LINGO2: variants seen among roughly 807,000 people sequenced by gnomAD.
LINGO2 encodes leucine rich repeat and Ig domain containing 2, also known as leucine-rich repeat and immunoglobulin-like domain-containing nogo receptor-interacting protein 2.
A neutral mutation model predicts 30.6 loss-of-function variants in LINGO2; 14 were observed. The observed-to-expected ratio is 0.46, with a 90% CI of 0.30 to 0.72. The LOEUF (loss-of-function observed/expected upper bound fraction) is 0.72. LINGO2 is among the 30% of genes least tolerant of loss of function. LINGO2 has a pLI of 0.07. For missense variants in LINGO2, 729 were observed against 751.7 expected, an observed-to-expected ratio of 0.97 and a Z score of 0.35; for synonymous variants, 317 against 288.5, an observed-to-expected ratio of 1.10 and a Z score of -1.00.
chr9:29,064,233 C>A, the LINGO2 span, among the ~76,000 whole-genome samples: 2 of 151,778 alleles, frequency 1.3e-5, no homozygotes, highest in Non-Finnish European at 1.5e-5. Flanking sequence ...AAAATGATTA[C>A]AAAATCCTGA....
chr9:28,606,544 G>A (rs1825701778), intron 1 of LINGO2, among the ~76,000 whole-genome samples: 1 of 151,992 alleles, frequency 6.6e-6, no homozygotes, highest in Admixed American at 6.6e-5. Context: ...AATACAGACT[G>A]AGGGAAATTC....
the LINGO2 span, among the ~76,000 whole-genome samples, chr9:28,991,705 A>G: frequency 0.022 from 3,326 of 151,330 alleles, 121 homozygotes; most frequent in African/African-American, 0.077. Flanking sequence ...AGTGGGGGCC[A>G]GTATTCAACA....
At chr9:29,009,026 A>G in the LINGO2 span, among the ~76,000 whole-genome samples, 1 of 152,198 alleles carries the variant, frequency 6.6e-6, no homozygotes, top group Non-Finnish European at 1.5e-5. Flanking sequence ...TATTGATGGG[A>G]CATATCTCAA....
intron 4 of LINGO2, among the ~76,000 whole-genome samples, chr9:28,060,721 C>T (rs1825116559): frequency 6.6e-6 from 1 of 152,154 alleles, no homozygotes; most frequent in African/African-American, 2.4e-5. Flanking sequence ...TTAAACCTGA[C>T]ACCAGCATCT....
the LINGO2 span, among the ~76,000 whole-genome samples, chr9:28,708,351 C>A: frequency 6.6e-6 from 1 of 152,108 alleles, no homozygotes; most frequent in Non-Finnish European, 1.5e-5. Flanking sequence ...CCAAGGAGAG[C>A]TCCTTTGTTC....
At chr9:28,546,159 G>C (rs1277349486) in intron 1 of LINGO2, among the ~76,000 whole-genome samples, 1 of 151,876 alleles carries the variant, frequency 6.6e-6, no homozygotes, top group Admixed American at 6.6e-5. Flanking sequence ...AAAGAAAAAA[G>C]GCCTTTAGAT....
chr9:28,193,584 A>C (rs1231620299), intron 4 of LINGO2, among the ~76,000 whole-genome samples: 1 of 152,136 alleles, frequency 6.6e-6, no homozygotes, highest in Non-Finnish European at 1.5e-5. Context: ...GGTAACCACT[A>C]CTATGTTTTA....
At chr9:28,027,355 C>A (rs975920081) in intron 4 of LINGO2, among the ~76,000 whole-genome samples, 2 of 152,150 alleles carry the variant, frequency 1.3e-5, no homozygotes, top group East Asian at 3.8e-4. Context: ...GGCTGTAGTT[C>A]ATTATCTTAC....
the LINGO2 span, among the ~76,000 whole-genome samples, chr9:28,691,872 A>G: frequency 6.6e-6 from 1 of 152,156 alleles, no homozygotes; most frequent in Non-Finnish European, 1.5e-5. Flanking sequence ...AAATATAGCA[A>G]TTTCTGAAGA....
chr9:28,066,905 T>A (rs1258008538), intron 4 of LINGO2, among the ~76,000 whole-genome samples: 1 of 152,010 alleles, frequency 6.6e-6, no homozygotes, highest in Admixed American at 6.6e-5. Context: ...GTGAAGCAAT[T>A]TCTTCTTAAC....
chr9:28,396,380 T>C (rs916747052), intron 2 of LINGO2, among the ~76,000 whole-genome samples: 1 of 152,080 alleles, frequency 6.6e-6, no homozygotes, highest in Non-Finnish European at 1.5e-5. Flanking sequence ...TACTTGGAGT[T>C]GACAATTTTG....
At chr9:29,033,177 G>C in the LINGO2 span, among the ~76,000 whole-genome samples, 1 of 151,838 alleles carries the variant, frequency 6.6e-6, no homozygotes, top group African/African-American at 2.4e-5. Context: ...TCATGTGAAC[G>C]ATGTATGCCA....
Position 28,325,654 on chromosome 9 carries a change from A to G in LINGO2, c.-245-30288T>C, listed in dbSNP as rs1587470210. Reference sequence around the variant, plus strand: ...TTCTCATTCTGTCTCGTCTGTCACCATGTAAGATGTGCCTTTTGCCTTCTG... The same window carrying G: ...TTCTCATTCTGTCTCGTCTGTCACCGTGTAAGATGTGCCTTTTGCCTTCTG... On this transcript the variant is annotated intron_variant, in intron 3 of 5. Transcript: ENST00000379992. Among the ~76,000 whole-genome samples, 2 of 152,198 alleles carry G rather than the reference A, an allele frequency of 1.3e-5. 1 individual carries two copies. Among genetic ancestry groups the G allele is most frequent in the African/African-American group, 4.8e-5 (2 of 41,530 alleles).
intron 4 of LINGO2, among the ~76,000 whole-genome samples, chr9:28,200,938 C>G (rs1305649150): frequency 6.6e-6 from 1 of 151,334 alleles, no homozygotes; most frequent in African/African-American, 2.4e-5. Flanking sequence ...ATCAATAAAT[C>G]ACCGTACAAG....
the LINGO2 span, among the ~76,000 whole-genome samples, chr9:29,049,600 T>C: frequency 6.6e-6 from 1 of 152,094 alleles, no homozygotes; most frequent in Admixed American, 6.5e-5. Context: ...ATATACACAA[T>C]GAAGTACTAT....
chr9:28,432,535 A>G (rs1823719869), intron 2 of LINGO2, among the ~76,000 whole-genome samples: 9 of 152,050 alleles, frequency 5.9e-5, no homozygotes, highest in Admixed American at 1.3e-4. Flanking sequence ...AAGAGTTTCC[A>G]CTTCCTATTA....
chr9:28,725,340 A>G, the LINGO2 span, among the ~76,000 whole-genome samples: 4 of 152,026 alleles, frequency 2.6e-5, no homozygotes, highest in Non-Finnish European at 4.4e-5. Flanking sequence ...ATTGAAAAAA[A>G]ATCAGTGGAC....
intron 4 of LINGO2, among the ~76,000 whole-genome samples, chr9:28,031,458 C>A (rs1249495321): frequency 6.7e-6 from 1 of 149,094 alleles, no homozygotes; most frequent in African/African-American, 2.5e-5. Context: ...ATGATTAAAT[C>A]AATCTAATTG....
At chr9:28,391,604 C>T (rs901125692) in intron 2 of LINGO2, among the ~76,000 whole-genome samples, 16 of 147,728 alleles carry the variant, frequency 1.1e-4, no homozygotes, top group Admixed American at 3.4e-4. Context: ...TTTATGTTTG[C>T]GTGTGTGTGT....
Sources: gnomAD v4.1 joint callset for allele counts (sites outside exome capture counted in the v4.1 genomes callset) on GRCh38, gnomAD v4.1.1 for gene constraint, MANE v1.5 for transcripts, NCBI Gene and HGNC (gene_info 2026-07-23, HGNC 2026-07-21) for gene names.